The following SPEF2 variants were observed in gnomAD, a reference collection of about 807,000 sequenced individuals.
The protein encoded by SPEF2 is sperm flagella and cilia-associated protein 2.
In SPEF2, 187 loss-of-function variants were observed where a neutral mutation model predicts 224.6. The ratio of observed to expected loss-of-function variants is 0.83; its 90% CI spans 0.74 to 0.94. The LOEUF is 0.94. Ranked by LOEUF, SPEF2 falls within the 40% of genes least tolerant of loss-of-function variation. SPEF2 has a pLI of 0.00. For missense variants in SPEF2, 2,170 were observed against 2,135.6 expected (o/e 1.02, Z -0.32); for synonymous variants, 715 against 707.3 (o/e 1.01, Z -0.17).
intron 19 of SPEF2, chr5:35,709,553 T>G (rs1740682888): frequency 1.0e-6 from 1 of 986,974 alleles, no homozygotes; most frequent in South Asian, 4.7e-5. Flanking sequence ...ACAGCAACCA[T>G]TAGAACTAGA....
intron 20 of SPEF2, among the ~76,000 whole-genome samples, chr5:35,722,223 G>T (rs10043747): frequency 6.6e-6 from 1 of 151,878 alleles, no homozygotes; most frequent in African/African-American, 2.4e-5. Context: ...GAAGGGGAAG[G>T]CTGTGGTGGC....
At chr5:35,749,807 C>T (rs573575686) in intron 23 of SPEF2, among the ~76,000 whole-genome samples, 1 of 152,062 alleles carries the variant, frequency 6.6e-6, no homozygotes, top group African/African-American at 2.4e-5. Flanking sequence ...CAATGCAATC[C>T]CCATCAAAAT....
chr5:35,641,560 A>G lies in SPEF2; in HGVS notation c.291A>G (p.Leu97=), dbSNP rs1746625737. 1.9e-6 allele frequency: 3 copies of G among 1,613,852 alleles called. No homozygotes were observed. The highest frequency in any genetic ancestry group is 1.7e-6 in the Non-Finnish European group (2 of 1,179,844). Residue 97 remains leucine (L), a synonymous_variant, in exon 3 of 37, where the codon TTA becomes TTG. Coordinates refer to ENST00000356031, the MANE Select transcript of SPEF2 (RefSeq NM_024867.4). The part of the protein sequence containing the change: ...TEKPGVATKL[L]YQLYIALQKK... The stretch of plus-strand genomic sequence containing the variant: ...AGCCTGGGGTGGCAACAAAGCTGTT[A>G]TATCAATTGTACATTGCTCTTCAGA...
At chr5:35,793,072 G>A (rs1216513532) in intron 31 of SPEF2, 87 bp from the exon 32 acceptor site, 3 of 1,251,524 alleles carry the variant, frequency 2.4e-6, no homozygotes, top group Admixed American at 4.5e-5. Flanking sequence ...TCTTTCATGG[G>A]AAACTCTCAC....
Position 35,639,902 on chromosome 5 carries a change from A to T in SPEF2, c.162-1529A>T, listed in dbSNP as rs1028715849. Among the ~76,000 whole-genome samples the T allele has an allele frequency of 2.6e-5, 4 of 152,044 alleles. No individual in the cohort carries two copies. In the East Asian group the frequency reaches 7.7e-4, roughly 29 times the overall value. ...TGTGTTCAAAAAACAACTGTTGATT[A>T]TCCTATCATTCTGATTCTACCCATG... On this transcript the variant is annotated intron_variant, in intron 2 of 36. Transcript: ENST00000356031.
Position 35,693,471 on chromosome 5 carries a change from T to A in SPEF2, c.1899+747T>A, listed in dbSNP as rs78769984. Among the ~76,000 whole-genome samples, 403 of 152,320 alleles carry A rather than the reference T, an allele frequency of 2.6e-3. 4 individuals carry two copies. Among genetic ancestry groups the A allele is most frequent in the African/African-American group, 9.3e-3 (388 of 41,564 alleles). On this transcript the variant is annotated intron_variant, in intron 12 of 36. Transcript: ENST00000356031. ...CTCTGAAAGGTTTACCTGTATCATA[T>A]TCCCATCAATATTGCATCTCTTTTC... is the stretch of plus-strand genomic sequence containing the variant.
intron 10 of SPEF2, chr5:35,675,681 G>C (rs150286870): frequency 3.9e-6 from 1 of 257,722 alleles, no homozygotes. Context: ...CACCACACCC[G>C]GCTAATTTTC....
At chr5:35,798,995 C>T (rs1048792932) in intron 33 of SPEF2, among the ~76,000 whole-genome samples, 2 of 152,282 alleles carry the variant, frequency 1.3e-5, no homozygotes, top group Admixed American at 1.3e-4. Flanking sequence ...CCTAGTTAAA[C>T]CTGTTCATAG....
chr5:35,802,266 A>G (rs1757523862), intron 34 of SPEF2, among the ~76,000 whole-genome samples: 1 of 152,146 alleles, frequency 6.6e-6, no homozygotes, highest in South Asian at 2.1e-4. Context: ...CACATCTTTC[A>G]CGAAGCATCC....
chr5:35,763,155 C>T (rs1381038492), intron 25 of SPEF2, among the ~76,000 whole-genome samples: 1 of 152,170 alleles, frequency 6.6e-6, no homozygotes, highest in Non-Finnish European at 1.5e-5. Flanking sequence ...GTTTGGTTTG[C>T]TTTTTCACGA....
chr5:35,681,218 A>G lies in SPEF2; in HGVS notation c.1525-9819A>G, dbSNP rs116528381. Among the ~76,000 whole-genome samples, 238 of 152,362 alleles carry G rather than the reference A, an allele frequency of 1.6e-3. 1 individual carries two copies. Among genetic ancestry groups the G allele is most frequent in the African/African-American group, 5.5e-3 (227 of 41,586 alleles). ...GATTCACATTATAAAAAAATTTAAG[A>G]ACAGCAATTGTACAAAATACAGTTT... is the stretch of plus-strand genomic sequence containing the variant. On this transcript the variant is annotated intron_variant, in intron 10 of 36. Coordinates refer to ENST00000356031, the MANE Select transcript of SPEF2 (RefSeq NM_024867.4).
chr5:35,655,160 C>T (rs570130814), intron 7 of SPEF2, among the ~76,000 whole-genome samples: 1 of 152,142 alleles, frequency 6.6e-6, no homozygotes, highest in Non-Finnish European at 1.5e-5. Context: ...GTTCTTTAAG[C>T]ATGGTTCCTG....
chr5:35,786,080 T>C (rs1264288468), intron 30 of SPEF2, among the ~76,000 whole-genome samples: 2 of 152,222 alleles, frequency 1.3e-5, no homozygotes, highest in African/African-American at 4.8e-5. Flanking sequence ...GAGTTCTGAA[T>C]GTGTACCCTC....
intron 30 of SPEF2, among the ~76,000 whole-genome samples, chr5:35,781,845 G>A (rs1301812338): frequency 6.6e-6 from 1 of 152,076 alleles, no homozygotes; most frequent in Non-Finnish European, 1.5e-5. Context: ...ATTGACAGGA[G>A]TAACGTTCAT....
chr5:35,694,726 T>G (rs1393490584), intron 13 of SPEF2, among the ~76,000 whole-genome samples: 2 of 152,216 alleles, frequency 1.3e-5, no homozygotes, highest in African/African-American at 4.8e-5. Flanking sequence ...ATTGGGGCTT[T>G]CTACGTGCTC....
At position 35,705,616 on chromosome 5, in the gene SPEF2, G is replaced by C. The variant is rs371360682; in HGVS notation, c.2508-35G>C. ...TAATGTCATTCTAATCTTTTGATCA[G>C]TATGAGATATTCATATCATATTTTG... is the stretch of plus-strand genomic sequence containing the variant. On this transcript the variant is annotated intron_variant, in intron 17 of 36. Transcript: ENST00000356031. 160 of 1,502,076 alleles carry C rather than the reference G, an allele frequency of 1.1e-4. No individual in the cohort carries two copies. The African/African-American group carries it at 2.0e-3, about 19-fold the overall frequency. 93.0% of individuals were successfully genotyped at this position (1,502,076 alleles called of 1,614,324 possible). A position where few individuals can be genotyped will look rare whatever the true frequency, so the allele number is the denominator to read the frequency against.
At chr5:35,655,470 T>A (rs753548457) in intron 7 of SPEF2, among the ~76,000 whole-genome samples, 28 of 152,222 alleles carry the variant, frequency 1.8e-4, no homozygotes, top group Non-Finnish European at 1.2e-4. Context: ...AAACAGCAAG[T>A]ACATTGGAGT....
At chr5:35,699,162 T>G (rs1243054882) in intron 15 of SPEF2, 1 of 152,146 alleles carries the variant, frequency 6.6e-6, no homozygotes, top group African/African-American at 2.4e-5. Context: ...GTTTTCCCCC[T>G]CCTTCCTTGT....
In SPEF2 at chr5:35,807,451, G is replaced by A. The variant is rs116145600; in HGVS notation, c.5379+198G>A. ...AATACCCAAAGGGCAGCAAGCTCAGGCACATTTGATAGGTGGTAGTTAAAG... is the reference window on the plus strand; with the variant it reads ...AATACCCAAAGGGCAGCAAGCTCAGACACATTTGATAGGTGGTAGTTAAAG... On this transcript the variant is annotated intron_variant, in intron 36 of 36. Transcript: ENST00000356031. 6.4e-3 allele frequency among the ~76,000 whole-genome samples: 973 copies of A among 152,278 alleles called. 16 individuals carry two copies. The highest frequency in any genetic ancestry group is 0.022 in the African/African-American group (915 of 41,548).
Sources: allele counts gnomAD v4.1 joint callset (sites outside exome capture counted in the v4.1 genomes callset), GRCh38; gene constraint gnomAD v4.1.1; transcripts MANE v1.5; gene names NCBI Gene and HGNC (gene_info 2026-07-23, HGNC 2026-07-21).